COL25A1: variants seen among roughly 807,000 people sequenced by gnomAD.
The protein encoded by COL25A1 is collagen type XXV alpha 1 chain, also known as collagen alpha-1(XXV) chain.
Under a neutral mutation model 128.4 loss-of-function variants are expected in COL25A1, and 103 were observed. The observed-to-expected ratio is 0.80, with a 90% CI of 0.68 to 0.94. COL25A1 has a LOEUF of 0.94. Among genes scored for constraint, COL25A1 ranks in the 40% least tolerant of loss-of-function variants. COL25A1 has a pLI of 0.00. For missense variants in COL25A1, 745 were observed against 840.0 expected (o/e 0.89, Z 1.40); for synonymous variants, 279 against 277.2 (o/e 1.01, Z -0.06).
At chr4:108,858,337 A>G (rs1260891546) in intron 24 of COL25A1, among the ~76,000 whole-genome samples, 1 of 151,874 alleles carries the variant, frequency 6.6e-6, no homozygotes, top group Non-Finnish European at 1.5e-5. Flanking sequence ...CTGTTGCTGT[A>G]TTAGGCATGA....
chr4:108,875,162 A>C (rs1054642369), intron 19 of COL25A1, among the ~76,000 whole-genome samples: 2 of 152,210 alleles, frequency 1.3e-5, no homozygotes, highest in Non-Finnish European at 2.9e-5. Context: ...CAAGGACTTC[A>C]TGACTAAAAC....
At chr4:108,998,816 C>G (rs1309932852) in intron 6 of COL25A1, among the ~76,000 whole-genome samples, 1 of 152,158 alleles carries the variant, frequency 6.6e-6, no homozygotes, top group Non-Finnish European at 1.5e-5. Flanking sequence ...CACCACACAT[C>G]TACAACCCTC....
intron 3 of COL25A1, among the ~76,000 whole-genome samples, chr4:109,109,452 C>T (rs537151941): frequency 6.6e-6 from 1 of 152,266 alleles, no homozygotes; most frequent in South Asian, 2.1e-4. Context: ...AGGTTGGTCT[C>T]GAACTCCTGG....
intron 6 of COL25A1, among the ~76,000 whole-genome samples, chr4:109,004,721 G>A (rs1193265091): frequency 1.3e-5 from 2 of 152,034 alleles, no homozygotes; most frequent in Non-Finnish European, 2.9e-5. Context: ...CTCCCCCTTT[G>A]CCTTCCACTA....
chr4:109,267,693 T>C (rs1356366369), intron 3 of COL25A1, among the ~76,000 whole-genome samples: 1 of 152,112 alleles, frequency 6.6e-6, no homozygotes, highest in African/African-American at 2.4e-5. Flanking sequence ...AGTACCAACA[T>C]GATGTCCAAA....
intron 3 of COL25A1, among the ~76,000 whole-genome samples, chr4:109,277,585 A>G (rs560312022): frequency 1.3e-5 from 2 of 152,196 alleles, no homozygotes; most frequent in Non-Finnish European, 2.9e-5. Context: ...GACAACCTGT[A>G]TTTTCATACA....
intron 19 of COL25A1, among the ~76,000 whole-genome samples, chr4:108,879,384 G>GT (rs11371883): frequency 0.55 from 83,401 of 151,274 alleles, 24,192 homozygotes; most frequent in East Asian, 0.99. Flanking sequence ...CTTGCTCCAT[G>GT]TTTTTTTTTC....
At chr4:108,898,971 TCATATC>T (rs1742482658) in intron 15 of COL25A1, among the ~76,000 whole-genome samples, 177 bp downstream of exon 15, 1 of 140,504 alleles carries the variant, frequency 7.1e-6, no homozygotes, top group African/African-American at 2.6e-5. Context: ...AACACAGGAG[TCATATC>T]TATATCTATA....
chr4:109,108,758 G>T (rs1766702531), intron 3 of COL25A1, among the ~76,000 whole-genome samples: 2 of 141,910 alleles, frequency 1.4e-5, no homozygotes, highest in East Asian at 2.3e-4. Flanking sequence ...ACTCATTATG[G>T]TTTTTTATTA....
Position 108,830,151 on chromosome 4 carries a change from G to A in COL25A1, c.1710+2229C>T, listed in dbSNP as rs576720566. Among the ~76,000 whole-genome samples the A allele has an allele frequency of 1.3e-4, 20 of 152,250 alleles. No homozygotes were observed. In the South Asian group the frequency reaches 2.5e-3, roughly 19 times the overall value. ...ACTTTTAGGAATGAAATATTAACAC[G>A]GGGATTTGAATGTACAACTCCTTTT... On this transcript the variant is annotated intron_variant, in intron 32 of 37. Transcript: ENST00000399132.
chr4:109,108,951 C>G (rs1236845330), intron 3 of COL25A1, among the ~76,000 whole-genome samples: 2 of 152,170 alleles, frequency 1.3e-5, no homozygotes, highest in Non-Finnish European at 1.5e-5. Flanking sequence ...TTGTGGTGGT[C>G]TGTAACTGAG....
chr4:108,966,681 C>T (rs1327945915), intron 8 of COL25A1, among the ~76,000 whole-genome samples: 5 of 151,838 alleles, frequency 3.3e-5, no homozygotes, highest in African/African-American at 1.2e-4. Context: ...GAAACCCTGT[C>T]TCTACTAAAA....
chr4:108,828,521 C>T (rs927229358), intron 32 of COL25A1, among the ~76,000 whole-genome samples: 1 of 152,130 alleles, frequency 6.6e-6, no homozygotes, highest in Non-Finnish European at 1.5e-5. Context: ...TCTCTAAGTG[C>T]CTATTTAAAT....
intron 5 of COL25A1, among the ~76,000 whole-genome samples, chr4:109,013,055 A>C (rs771622770): frequency 1.8e-4 from 28 of 151,534 alleles, no homozygotes; most frequent in Non-Finnish European, 2.4e-4. Context: ...GTATCTAGCT[A>C]ATCTGGTAGG....
At chr4:109,124,512 AC>A (rs1768403060) in intron 3 of COL25A1, among the ~76,000 whole-genome samples, 1 of 152,050 alleles carries the variant, frequency 6.6e-6, no homozygotes, top group South Asian at 2.1e-4. Context: ...CACATAAAAA[AC>A]ATCAGCTCAC....
At chr4:108,912,893 T>C (rs1435138072) in intron 13 of COL25A1, among the ~76,000 whole-genome samples, 3 of 152,182 alleles carry the variant, frequency 2.0e-5, no homozygotes, top group Admixed American at 6.5e-5. Flanking sequence ...GAATTTCAAA[T>C]GTCATAACTA....
At chr4:109,149,391 AT>A (rs890572507) in intron 3 of COL25A1, among the ~76,000 whole-genome samples, 30 of 151,790 alleles carry the variant, frequency 2.0e-4, no homozygotes, top group African/African-American at 6.3e-4. Context: ...TCACCAATGA[AT>A]TTTTTTTTAA....
At chr4:109,106,957 T>TG (rs1039065841) in intron 3 of COL25A1, among the ~76,000 whole-genome samples, 1 of 152,102 alleles carries the variant, frequency 6.6e-6, no homozygotes, top group East Asian at 1.9e-4. Context: ...CCTGTAGAGA[T>TG]GGGGTCTCAC....
At chr4:108,937,437 C>T (rs1256982261) in intron 11 of COL25A1, among the ~76,000 whole-genome samples, 1 of 152,014 alleles carries the variant, frequency 6.6e-6, no homozygotes, top group Non-Finnish European at 1.5e-5. Context: ...GCAAAGTTTG[C>T]TGTGCTAATT....
Sources: allele counts gnomAD v4.1 joint callset (sites outside exome capture counted in the v4.1 genomes callset), GRCh38; gene constraint gnomAD v4.1.1; transcripts MANE v1.5; gene names NCBI Gene and HGNC (gene_info 2026-07-23, HGNC 2026-07-21).